Variants in ARHGAP31 observed in about 807,000 individuals in gnomAD.
ARHGAP31 encodes the protein rho GTPase-activating protein 31.
In ARHGAP31, 34 loss-of-function variants were observed where a neutral mutation model predicts 113.9. That is an observed-to-expected ratio of 0.30 (90% CI 0.23 to 0.40). The LOEUF (loss-of-function observed/expected upper bound fraction) is 0.40, where lower values mean the gene tolerates loss of function less well. ARHGAP31 is among the 10% of genes least tolerant of loss of function. The pLI, the probability that ARHGAP31 is intolerant of heterozygous loss-of-function variation, is 1.00. For missense variants in ARHGAP31, 1,548 were observed against 1,767.1 expected, an observed-to-expected ratio of 0.88 and a Z score of 2.22; for synonymous variants, 650 against 684.8, an observed-to-expected ratio of 0.95 and a Z score of 0.79.
chr3:119,317,848 C>T (rs2079747740), intron 1 of ARHGAP31, among the ~76,000 whole-genome samples: 1 of 152,090 alleles, frequency 6.6e-6, no homozygotes, highest in Admixed American at 6.5e-5. Flanking sequence ...GTTTGCTTAT[C>T]TGGAAACTGA....
At chr3:119,397,810 C>A (rs1479426095) in intron 8 of ARHGAP31, among the ~76,000 whole-genome samples, 1 of 152,348 alleles carries the variant, frequency 6.6e-6, no homozygotes, top group African/African-American at 2.4e-5. Context: ...TCTCATAGAA[C>A]CTTCTCCTGT....
chr3:119,389,510 T>C (rs964038120), intron 6 of ARHGAP31, among the ~76,000 whole-genome samples: 1 of 152,252 alleles, frequency 6.6e-6, no homozygotes, highest in East Asian at 1.9e-4. Flanking sequence ...GAAAGTTTAC[T>C]GAAAAGTTTT....
At chr3:119,372,048 C>T (rs1158168638) in intron 3 of ARHGAP31, among the ~76,000 whole-genome samples, 6 of 152,082 alleles carry the variant, frequency 3.9e-5, no homozygotes, top group African/African-American at 1.2e-4. Flanking sequence ...TTTGCTATTG[C>T]GAATAGCACT....
rs566064927 is a variant in ARHGAP31, at chr3:119,419,518, A to G, written c.*3254A>G. 6.6e-6 allele frequency: 1 copy of G among 152,154 alleles called. No homozygotes were observed. Among genetic ancestry groups the G allele is most frequent in the Non-Finnish European group, 1.5e-5 (1 of 68,028 alleles). 9.4% of individuals were successfully genotyped at this position (152,154 alleles called of 1,614,324 possible). On this transcript the variant is annotated 3_prime_UTR_variant, in exon 12 of 12. Transcript: ENST00000264245. ...TTTATTGGGAGCTTAGTAATAGTGC[A>G]CTGGGTACCTTAGCACTCCCAAATC...
Position 119,396,880 on chromosome 3 carries a change from C to G in ARHGAP31, c.1007-2319C>G, listed in dbSNP as rs531887143. ...GAATTAAGATGCACAAACTTTAGAG[C>G]CTTCCAGATATGTGTATTTTAATTG... On this transcript the variant is annotated intron_variant, in intron 8 of 11. Transcript: ENST00000264245. Among the ~76,000 whole-genome samples, 25 of 152,134 alleles carry G rather than the reference C, an allele frequency of 1.6e-4. No individual in the cohort carries two copies. In the South Asian group the frequency reaches 3.9e-3, roughly 24 times the overall value.
chr3:119,376,214 C>A (rs1333886655), intron 3 of ARHGAP31, among the ~76,000 whole-genome samples: 1 of 152,198 alleles, frequency 6.6e-6, no homozygotes, highest in East Asian at 1.9e-4. Context: ...TAGGGCCAGG[C>A]TTGGTGGCTT....
At chr3:119,323,440 A>G (rs2079811389) in intron 1 of ARHGAP31, among the ~76,000 whole-genome samples, 1 of 152,188 alleles carries the variant, frequency 6.6e-6, no homozygotes, top group Non-Finnish European at 1.5e-5. Context: ...CCTGAGAGCC[A>G]AGACGTTGGG....
At chr3:119,313,939 G>A (rs961389392) in intron 1 of ARHGAP31, among the ~76,000 whole-genome samples, 1 of 152,150 alleles carries the variant, frequency 6.6e-6, no homozygotes, top group African/African-American at 2.4e-5. Context: ...GTCTTAATAA[G>A]AGCTTGTCAC....
In ARHGAP31 at chr3:119,392,686, C is replaced by T. The variant is rs115658003; in HGVS notation, c.882-781C>T. 5.7e-3 allele frequency among the ~76,000 whole-genome samples: 871 copies of T among 152,340 alleles called. 4 individuals carry two copies. Among genetic ancestry groups the T allele is most frequent in the African/African-American group, 0.02 (830 of 41,578 alleles). On this transcript the variant is annotated intron_variant, in intron 7 of 11. Coordinates refer to ENST00000264245, the MANE Select transcript of ARHGAP31 (RefSeq NM_020754.4). ...TCTTTCCCCATCTCACCAAAGCAGC[C>T]TGGTGTGAGGCTAAGCCAGAGACAC...
At chr3:119,400,325 A>T (rs1354690124) in intron 9 of ARHGAP31, among the ~76,000 whole-genome samples, 2 of 152,014 alleles carry the variant, frequency 1.3e-5, no homozygotes, top group Non-Finnish European at 2.9e-5. Context: ...AATTCCAGCT[A>T]CTCAGGAAGC....
At position 119,414,855 on chromosome 3, in the gene ARHGAP31, G is replaced by A. The variant is rs1199731683; in HGVS notation, c.2926G>A (p.Ala976Thr). Reference protein sequence around the residue: ...TLEVPSSSSCANLETERNSDP... With the variant: ...TLEVPSSSSCTNLETERNSDP... ...CGAGGTTCCCTCCTCCAGCAGCTGT[G>A]CTAATCTTGAAACAGAGAGGAATTC... The change falls in exon 12 of 12, where the codon GCT (alanine) becomes ACT (threonine). Residue 976 changes from alanine (A) to threonine (T), a missense_variant. By Grantham distance (58) the Ala-to-Thr change is moderately conservative. Transcript: ENST00000264245. 1.2e-6 allele frequency: 2 copies of A among 1,614,224 alleles called. No individual in the cohort carries two copies. The highest frequency in any genetic ancestry group is 3.3e-5 in the Admixed American group (2 of 60,028).
At chr3:119,380,806 T>A in intron 3 of ARHGAP31, 98 bp from the exon 4 acceptor site, 1 of 982,364 alleles carries the variant, frequency 1.0e-6, no homozygotes, top group Non-Finnish European at 1.6e-6. Context: ...GGCATGGTTG[T>A]GAGGCTGGAG....
intron 3 of ARHGAP31, among the ~76,000 whole-genome samples, chr3:119,378,232 C>T (rs367888518): frequency 6.6e-5 from 10 of 152,118 alleles, no homozygotes; most frequent in African/African-American, 2.4e-4. Context: ...CCCCAGTTGC[C>T]CCAGCTGTGG....
At chr3:119,356,765 T>C (rs1436560308) in intron 1 of ARHGAP31, among the ~76,000 whole-genome samples, 1 of 152,252 alleles carries the variant, frequency 6.6e-6, no homozygotes, top group East Asian at 1.9e-4. Flanking sequence ...GACCACATAG[T>C]ATTCCACTAT....
Position 119,393,542 on chromosome 3 carries a change from A to T in ARHGAP31, c.957A>T (p.Ser319=). ...GACGTTCTGGATCAGACTCCAAATC[A>T]AAACTGAGTAGAAATGGGAGTGTAT... ...NLGRSGSDSK[S]KLSRNGSVFV... Residue 319 remains serine, a synonymous_variant, in exon 8 of 12, where the codon TCA becomes TCT. Transcript: ENST00000264245. 6.2e-7 allele frequency: 1 copy of T among 1,614,200 alleles called. No homozygotes were observed. The highest frequency in any genetic ancestry group is 1.1e-5 in the South Asian group (1 of 91,082).
chr3:119,375,991 A>G (rs1219956259), intron 3 of ARHGAP31, among the ~76,000 whole-genome samples: 1 of 152,222 alleles, frequency 6.6e-6, no homozygotes, highest in Non-Finnish European at 1.5e-5. Context: ...AGCTAGAGCT[A>G]CAGGCGTATG....
chr3:119,396,111 T>G (rs1267297492), intron 8 of ARHGAP31, among the ~76,000 whole-genome samples: 1 of 152,158 alleles, frequency 6.6e-6, no homozygotes, highest in Non-Finnish European at 1.5e-5. Flanking sequence ...AGGAAATAAG[T>G]GGTTTGCTTT....
At position 119,337,491 on chromosome 3, in the gene ARHGAP31, C is replaced by T. The variant is rs543405692; in HGVS notation, c.101-27825C>T. ...TGCAAAAAGCAAAAGAACAAAGCTT[C>T]CACAATACTGACGGGACCCAAATGA... On this transcript the variant is annotated intron_variant, in intron 1 of 11. Transcript: ENST00000264245. Among the ~76,000 whole-genome samples, 14 of 152,294 alleles carry T rather than the reference C, an allele frequency of 9.2e-5. No homozygotes were observed. In the East Asian group the frequency reaches 2.7e-3, roughly 29 times the overall value.
At chr3:119,307,940 C>CAAAAAA (rs71156742) in intron 1 of ARHGAP31, among the ~76,000 whole-genome samples, 2,449 of 45,272 alleles carry the variant, frequency 0.054, 552 homozygotes, top group Middle Eastern at 0.12. Flanking sequence ...GAATTAACAG[C>CAAAAAA]AAAAAAAAAA....
Sources: allele counts gnomAD v4.1 joint callset (sites outside exome capture counted in the v4.1 genomes callset), GRCh38; gene constraint gnomAD v4.1.1; transcripts MANE v1.5; gene names NCBI Gene and HGNC (gene_info 2026-07-23, HGNC 2026-07-21).